TCF20: variants seen among roughly 807,000 people sequenced by gnomAD.
The protein encoded by TCF20 is transcription factor 20.
TCF20 carries 3 observed loss-of-function variants against 148.6 expected under a neutral mutation model. The ratio of observed to expected loss-of-function variants is 0.02; its 90% CI spans 0.01 to 0.05. The LOEUF is 0.05. Among genes scored for constraint, TCF20 ranks in the 10% least tolerant of loss-of-function variants. The pLI, the probability that TCF20 is intolerant of heterozygous loss-of-function variation, is 1.00. For missense variants in TCF20, 2,350 were observed against 2,429.3 expected (o/e 0.97, Z 0.69); for synonymous variants, 1,049 against 909.5 (o/e 1.15, Z -2.76).
chr22:42,189,770 A>G (rs1440159947), intron 2 of TCF20, among the ~76,000 whole-genome samples: 1 of 152,266 alleles, frequency 6.6e-6, no homozygotes, highest in Admixed American at 6.5e-5. Flanking sequence ...AATCTAGTCA[A>G]AGAAACTGTT....
In TCF20 at chr22:42,210,296, C is replaced by G. The variant is rs1341748634; in HGVS notation, c.5010G>C (p.Leu1670=). 1 of 1,614,194 alleles carries G rather than the reference C, an allele frequency of 6.2e-7. No homozygotes were observed. The highest frequency in any genetic ancestry group is 8.5e-7 in the Non-Finnish European group (1 of 1,180,038). The change falls in exon 2 of 6, where the codon CTG becomes CTC. Residue 1670 remains leucine, a synonymous_variant. Coordinates refer to ENST00000677622, the MANE Select transcript of TCF20 (RefSeq NM_001378418.1). This position sits in a 1 kb window ranked among gnomAD's most constrained non-coding sequence, Gnocchi z 4.7. ...LVRGRKGQRS[L]TPPPSSTESK... ...TTTCAGTGCTGCTAGGTGGAGGGGT[C>G]AGTGACCTCTGACCCTTCCTGCCCC...
intron 2 of TCF20, among the ~76,000 whole-genome samples, chr22:42,198,126 A>G (rs1002581655): frequency 7.9e-5 from 12 of 152,330 alleles, no homozygotes; most frequent in Middle Eastern, 6.8e-3. Context: ...AATAAATTAC[A>G]TTATACTCAC....
At chr22:42,332,929 A>C (rs1248450817) in intron 1 of TCF20, among the ~76,000 whole-genome samples, 1 of 152,168 alleles carries the variant, frequency 6.6e-6, no homozygotes, top group Non-Finnish European at 1.5e-5. Context: ...GTGGGGGTTG[A>C]CTGGGAGGAG....
At chr22:42,247,033 A>T (rs5758677) in intron 1 of TCF20, among the ~76,000 whole-genome samples, 1 of 151,530 alleles carries the variant, frequency 6.6e-6, no homozygotes. Flanking sequence ...CAAAGATTAA[A>T]GGTGCACCAG....
intron 3 of TCF20, among the ~76,000 whole-genome samples, chr22:42,175,173 A>G (rs931863003): frequency 1.7e-4 from 26 of 152,196 alleles, no homozygotes; most frequent in African/African-American, 5.5e-4. Flanking sequence ...AAATGAGAAA[A>G]GGCAACTGGT....
upstream of TCF20, among the ~76,000 whole-genome samples, chr22:42,271,858 G>A (rs373770783): frequency 2.6e-5 from 4 of 152,190 alleles, no homozygotes; most frequent in Non-Finnish European, 5.9e-5. Flanking sequence ...CTGGAACCCA[G>A]ATTTCCATAT....
chr22:42,315,868 C>T (rs1205888238), intron 1 of TCF20, among the ~76,000 whole-genome samples: 2 of 151,752 alleles, frequency 1.3e-5, no homozygotes, highest in Non-Finnish European at 2.9e-5. Flanking sequence ...AATCCCAGCA[C>T]TTTGGGAGGC....
chr22:42,163,705 G>A (rs1170135190), intron 5 of TCF20, among the ~76,000 whole-genome samples: 1 of 152,188 alleles, frequency 6.6e-6, no homozygotes, highest in Non-Finnish European at 1.5e-5. Flanking sequence ...AGAGACGGCT[G>A]GGTCCCCGAC....
At chr22:42,174,246 T>C (rs908506570) in intron 3 of TCF20, among the ~76,000 whole-genome samples, 19 of 152,300 alleles carry the variant, frequency 1.2e-4, no homozygotes, top group African/African-American at 4.1e-4. Flanking sequence ...ATTTCCTCAG[T>C]CCCACTAGCA....
chr22:42,282,011 C>T (rs1161639647), intron 1 of TCF20, among the ~76,000 whole-genome samples: 1 of 152,218 alleles, frequency 6.6e-6, no homozygotes, highest in Non-Finnish European at 1.5e-5. Context: ...GGGCCAGGCA[C>T]AGGACCCAAG....
At chr22:42,200,831 T>TATAAAACACAAACCTGTAC in intron 2 of TCF20, among the ~76,000 whole-genome samples, 1 of 152,166 alleles carries the variant, frequency 6.6e-6, no homozygotes, top group South Asian at 2.1e-4. Flanking sequence ...GAGTTTCCTT[T>TATAAAACACAAACCTGTAC]ATAAAACACA....
At chr22:42,235,551 C>T (rs146426215) in intron 1 of TCF20, among the ~76,000 whole-genome samples, 171 of 152,236 alleles carry the variant, frequency 1.1e-3, no homozygotes, top group African/African-American at 4.0e-3. Flanking sequence ...TTTTAGTAAG[C>T]GAAGTGAACA....
At chr22:42,294,307 C>G (rs1478241145) in intron 1 of TCF20, among the ~76,000 whole-genome samples, 1 of 152,264 alleles carries the variant, frequency 6.6e-6, no homozygotes, top group African/African-American at 2.4e-5. Context: ...AGCCCCCTCT[C>G]CCGGAGGACA....
intron 2 of TCF20, among the ~76,000 whole-genome samples, chr22:42,186,073 CACTT>C (rs771910228): frequency 6.6e-5 from 10 of 152,246 alleles, no homozygotes; most frequent in Non-Finnish European, 2.9e-5. Context: ...ATTAAATACA[CACTT>C]AATCAATTAT....
chr22:42,270,460 G>A lies in TCF20; in HGVS notation c.-158C>T, dbSNP rs1213947956. On this transcript the variant is annotated 5_prime_UTR_variant, in exon 1 of 6. Transcript: ENST00000677622. ...GGGGTGGCTCCGCCGCCTCCAGCTCGGGCGCCCGGGCCGGCGGCGGGGCGG... is the reference window on the plus strand; with the variant it reads ...GGGGTGGCTCCGCCGCCTCCAGCTCAGGCGCCCGGGCCGGCGGCGGGGCGG... Among the ~76,000 whole-genome samples the A allele has an allele frequency of 6.9e-6, 1 of 144,392 alleles. No individual in the cohort carries two copies. The highest frequency in any genetic ancestry group is 2.5e-5 in the African/African-American group (1 of 40,252). The allele number at this position is 144,392 out of a possible 152,430, so 94.7% of individuals were successfully genotyped here. A position where few individuals can be genotyped will look rare whatever the true frequency, so the allele number is the denominator to read the frequency against.
In TCF20 at chr22:42,213,833, A is replaced by T; in HGVS notation, c.1473T>A (p.Ser491=). 1 of 1,614,206 alleles carries T rather than the reference A, an allele frequency of 6.2e-7. No individual in the cohort carries two copies. Among genetic ancestry groups the T allele is most frequent in the South Asian group, 1.1e-5 (1 of 91,082 alleles). ...PQKKTSKRPS[S]SKKADSCTNS... ...TTGTGCAGCTATCTGCTTTCTTGGA[A>T]GATGAGGGCCTCTTGGAGGTCTTCT... Residue 491 remains serine (S), a synonymous_variant, in exon 2 of 6, where the codon TCT becomes TCA. Transcript: ENST00000677622.
chr22:42,281,689 T>C (rs1926905935), intron 1 of TCF20, among the ~76,000 whole-genome samples: 1 of 152,218 alleles, frequency 6.6e-6, no homozygotes, highest in Non-Finnish European at 1.5e-5. Flanking sequence ...AAGATTTCTG[T>C]GGGGAAAAAA....
rs1361048979 is a variant in TCF20, at chr22:42,292,986, C to T, written c.-37+50493G>A. Among the ~76,000 whole-genome samples the T allele has an allele frequency of 6.6e-6, 1 of 151,588 alleles. No homozygotes were observed. Among genetic ancestry groups the T allele is most frequent in the Non-Finnish European group, 1.5e-5 (1 of 67,920 alleles). On this transcript the variant is annotated intron_variant, in intron 1 of 1. Coordinates refer to the TCF20 transcript ENST00000515426. The surrounding 1 kb of genome is among the most constrained non-coding windows in gnomAD (Gnocchi z 4.9). ...CAGGAGCTGGGCCTCATAGGCAGGG[C>T]AGAAAGGCCAGGGAGTGGGGCCCAG...
intron 1 of TCF20, among the ~76,000 whole-genome samples, chr22:42,282,633 C>T (rs1926926381): frequency 6.6e-6 from 1 of 152,234 alleles, no homozygotes; most frequent in Admixed American, 6.5e-5. Flanking sequence ...CTTCAGAGAC[C>T]TCAGGCTGCC....
Sources: allele counts gnomAD v4.1 joint callset (sites outside exome capture counted in the v4.1 genomes callset), GRCh38; gene constraint gnomAD v4.1.1; non-coding constraint Gnocchi (gnomAD v3.1); transcripts MANE v1.5; gene names NCBI Gene and HGNC (gene_info 2026-07-23, HGNC 2026-07-21).